Variants in CDK14 observed in about 807,000 individuals in gnomAD.
The protein encoded by CDK14 is cyclin-dependent kinase 14.
In CDK14, 34 loss-of-function variants were observed where a neutral mutation model predicts 60.7. The observed-to-expected ratio is 0.56, with a 90% CI of 0.43 to 0.75. The LOEUF is 0.75. Ranked by LOEUF, CDK14 falls within the 30% of genes least tolerant of loss-of-function variation. CDK14 has a pLI of 0.00. For missense variants in CDK14, 482 were observed against 564.1 expected (o/e 0.85, Z 1.47); for synonymous variants, 197 against 203.7 (o/e 0.97, Z 0.28).
At chr7:91,118,959 A>G (rs1273199997) in intron 14 of CDK14, among the ~76,000 whole-genome samples, 1 of 152,180 alleles carries the variant, frequency 6.6e-6, no homozygotes, top group Admixed American at 6.5e-5. Flanking sequence ...TGGGATGGCA[A>G]CTTCTGAAAA....
At chr7:90,868,923 C>T (rs1039840936) in intron 6 of CDK14, among the ~76,000 whole-genome samples, 1 of 152,140 alleles carries the variant, frequency 6.6e-6, no homozygotes, top group Non-Finnish European at 1.5e-5. Context: ...TGCAACTTAC[C>T]TGTGTTATTA....
At chr7:91,099,527 A>G (rs1241440680) in intron 12 of CDK14, among the ~76,000 whole-genome samples, 1 of 152,152 alleles carries the variant, frequency 6.6e-6, no homozygotes, top group Admixed American at 6.6e-5. Context: ...TTCACTAACA[A>G]TTTACTTTGC....
chr7:90,992,520 A>G (rs1036354114), intron 10 of CDK14, among the ~76,000 whole-genome samples: 1 of 152,226 alleles, frequency 6.6e-6, no homozygotes, highest in Admixed American at 6.5e-5. Context: ...GGAAAGATAG[A>G]CAGTGAGAAA....
intron 2 of CDK14, among the ~76,000 whole-genome samples, chr7:90,700,632 A>C (rs147060378): frequency 7.6e-4 from 115 of 152,254 alleles, no homozygotes; most frequent in Non-Finnish European, 1.4e-3. Flanking sequence ...CTCTGGTGCT[A>C]AGAGTGATCA....
At chr7:90,864,641 T>C (rs983643082) in intron 6 of CDK14, among the ~76,000 whole-genome samples, 1 of 152,112 alleles carries the variant, frequency 6.6e-6, no homozygotes, top group Admixed American at 6.6e-5. Context: ...AATGTGAAAA[T>C]ATGTCCTCTA....
chr7:90,700,871 C>G (rs760636870), intron 2 of CDK14, among the ~76,000 whole-genome samples: 3 of 152,120 alleles, frequency 2.0e-5, no homozygotes, highest in Non-Finnish European at 4.4e-5. Context: ...TCTGTGAGAG[C>G]AGCAGTTGTG....
chr7:91,153,532 A>G (rs561335267), intron 14 of CDK14, among the ~76,000 whole-genome samples: 3 of 152,312 alleles, frequency 2.0e-5, no homozygotes, highest in Non-Finnish European at 4.4e-5. Flanking sequence ...CATATACACC[A>G]TGGAATACTG....
chr7:90,949,534 G>A (rs777394480), intron 8 of CDK14, among the ~76,000 whole-genome samples: 6 of 152,042 alleles, frequency 3.9e-5, no homozygotes, highest in South Asian at 2.1e-4. Context: ...AATCTGTGCC[G>A]TTTAGGATAT....
chr7:90,854,666 T>C (rs532043144), intron 5 of CDK14, among the ~76,000 whole-genome samples: 2 of 152,150 alleles, frequency 1.3e-5, no homozygotes, highest in South Asian at 2.1e-4. Flanking sequence ...TTTTTTTTTT[T>C]CAATCACATA....
At chr7:90,781,770 A>T (rs1210265715) in intron 4 of CDK14, among the ~76,000 whole-genome samples, 1 of 151,182 alleles carries the variant, frequency 6.6e-6, no homozygotes, top group African/African-American at 2.4e-5. Flanking sequence ...TGTTCCATTG[A>T]TCTATATCTC....
chr7:91,060,204 C>T (rs772038577), intron 11 of CDK14, among the ~76,000 whole-genome samples: 8 of 149,902 alleles, frequency 5.3e-5, no homozygotes, highest in African/African-American at 1.2e-4. Context: ...CTGTTTTATC[C>T]GAGGCTAGGA....
At chr7:91,119,031 G>T (rs995811370) in intron 14 of CDK14, among the ~76,000 whole-genome samples, 3 of 151,588 alleles carry the variant, frequency 2.0e-5, no homozygotes, top group African/African-American at 7.3e-5. Flanking sequence ...TTTAGTGTGT[G>T]TGTGTATATA....
At chr7:90,709,032 C>A (rs781430974) in intron 2 of CDK14, among the ~76,000 whole-genome samples, 3 of 152,076 alleles carry the variant, frequency 2.0e-5, no homozygotes, top group Non-Finnish European at 4.4e-5. Flanking sequence ...GTTGTGAGAT[C>A]TGGCTTGTTT....
intron 6 of CDK14, among the ~76,000 whole-genome samples, chr7:90,891,171 A>G (rs1173840635): frequency 6.6e-6 from 1 of 152,124 alleles, no homozygotes; most frequent in Non-Finnish European, 1.5e-5. Context: ...TGGACTTCTG[A>G]TATTTCCTCT....
intron 7 of CDK14, among the ~76,000 whole-genome samples, chr7:90,910,856 G>T (rs980941859): frequency 7.2e-5 from 11 of 152,034 alleles, no homozygotes; most frequent in African/African-American, 2.7e-4. Context: ...ATGGGGGTTG[G>T]TTGTACCGAT....
intron 2 of CDK14, among the ~76,000 whole-genome samples, chr7:90,619,711 A>G (rs1799728711): frequency 6.6e-6 from 1 of 152,204 alleles, no homozygotes; most frequent in Non-Finnish European, 1.5e-5. Context: ...GAAGGAAAAA[A>G]AGAACTGGGT....
chr7:90,860,406 T>G (rs1166670987), intron 5 of CDK14, among the ~76,000 whole-genome samples: 1 of 152,106 alleles, frequency 6.6e-6, no homozygotes, highest in Non-Finnish European at 1.5e-5. Context: ...GGCGGAAAAC[T>G]AAGTGCCCAG....
intron 10 of CDK14, among the ~76,000 whole-genome samples, chr7:91,000,696 A>G (rs2115748803): frequency 6.6e-6 from 1 of 152,344 alleles, no homozygotes; most frequent in East Asian, 1.9e-4. Context: ...AAAGATGAGA[A>G]TTTGTTTTAA....
chr7:90,912,870 C>T (rs563318324), intron 7 of CDK14, among the ~76,000 whole-genome samples: 115 of 152,186 alleles, frequency 7.6e-4, no homozygotes, highest in African/African-American at 2.5e-3. Flanking sequence ...CCTCTGCCTC[C>T]CAAAGTGTTG....
Sources: allele counts gnomAD v4.1 joint callset (sites outside exome capture counted in the v4.1 genomes callset), GRCh38; gene constraint gnomAD v4.1.1; transcripts MANE v1.5; gene names NCBI Gene and HGNC (gene_info 2026-07-23, HGNC 2026-07-21).